Variants in MAP2 observed in about 807,000 individuals in gnomAD.
MAP2 encodes the protein microtubule-associated protein 2.
MAP2 carries 14 observed loss-of-function variants against 137.6 expected under a neutral mutation model. The ratio of observed to expected loss-of-function variants is 0.10; its 90% CI spans 0.07 to 0.16. The LOEUF (loss-of-function observed/expected upper bound fraction) is 0.16. MAP2 is among the 10% of genes least tolerant of loss of function. The pLI, the probability that MAP2 is intolerant of heterozygous loss-of-function variation, is 1.00. For missense variants in MAP2, 2,088 were observed against 2,191.5 expected, an observed-to-expected ratio of 0.95 and a Z score of 0.94; for synonymous variants, 786 against 782.3, an observed-to-expected ratio of 1.00 and a Z score of -0.08.
chr2:209,654,108 A>G (rs1440115895), intron 5 of MAP2, among the ~76,000 whole-genome samples: 1 of 152,240 alleles, frequency 6.6e-6, no homozygotes, highest in Admixed American at 6.5e-5. Flanking sequence ...TGTGCACAAA[A>G]TCATCTTATC....
At chr2:209,724,321 C>T (rs991732063) in intron 13 of MAP2, among the ~76,000 whole-genome samples, 2 of 151,918 alleles carry the variant, frequency 1.3e-5, no homozygotes, top group African/African-American at 4.8e-5. Flanking sequence ...AAGATGATTC[C>T]ATGTTTTTTA....
intron 2 of MAP2, among the ~76,000 whole-genome samples, chr2:209,545,539 G>A (rs564064775): frequency 6.6e-6 from 1 of 152,104 alleles, no homozygotes; most frequent in Non-Finnish European, 1.5e-5. Context: ...AAGTCATAAG[G>A]CTAGTGTCTT....
intron 4 of MAP2, among the ~76,000 whole-genome samples, chr2:209,648,939 G>T (rs1464883429): frequency 4.6e-5 from 7 of 152,126 alleles, no homozygotes; most frequent in Non-Finnish European, 1.0e-4. Flanking sequence ...GTTTCCCATT[G>T]TACAGTAGGA....
chr2:209,514,340 CT>C (rs199705129), intron 2 of MAP2, among the ~76,000 whole-genome samples: 12 of 150,642 alleles, frequency 8.0e-5, no homozygotes, highest in South Asian at 2.1e-4. Flanking sequence ...AAAGTCCTCC[CT>C]TTTTTTTTCA....
chr2:209,705,554 A>C (rs767709730), intron 11 of MAP2, 26 bp from the exon 12 acceptor site: 1 of 1,562,784 alleles, frequency 6.4e-7, no homozygotes, highest in African/African-American at 1.4e-5. Flanking sequence ...CAAGAACCCA[A>C]TGTTCTTTTT....
rs200086905 is a variant in MAP2 at position 209,696,752 on chromosome 2, C to A, written c.4387+4C>A. ...GATGAAGTGAGAAGGAAAAAAGGTT[C>A]ATTTAACAATCACTTCTTTAAAAAT... On this transcript the variant is annotated splice_donor_region_variant and intron_variant, in intron 9 of 15. Transcript: ENST00000682079. 44 of 1,598,226 alleles carry A rather than the reference C, an allele frequency of 2.8e-5. No individual in the cohort carries two copies. In the African/African-American group the frequency reaches 3.0e-4, roughly 11 times the overall value.
At chr2:209,480,540 T>TTGTTTGTTTGTG in intron 1 of MAP2, among the ~76,000 whole-genome samples, 1 of 97,254 alleles carries the variant, frequency 1.0e-5, no homozygotes, top group Admixed American at 1.1e-4. Flanking sequence ...GATCTAAAGT[T>TTGTTTGTTTGTG]TGTTTGTTTG....
intron 1 of MAP2, among the ~76,000 whole-genome samples, chr2:209,494,883 T>G (rs1312674817): frequency 6.6e-6 from 1 of 152,234 alleles, no homozygotes; most frequent in Non-Finnish European, 1.5e-5. Flanking sequence ...TGTTTCTGCC[T>G]GAATTTGAAT....
chr2:209,506,873 C>G (rs2061136903), intron 1 of MAP2, among the ~76,000 whole-genome samples: 1 of 152,182 alleles, frequency 6.6e-6, no homozygotes, highest in South Asian at 2.1e-4. Context: ...TCTGTGCAGA[C>G]TGTTCTAACA....
At chr2:209,482,472 T>C (rs1250503603) in intron 1 of MAP2, among the ~76,000 whole-genome samples, 1 of 152,218 alleles carries the variant, frequency 6.6e-6, no homozygotes, top group Admixed American at 6.5e-5. Context: ...CTCTAAAAGC[T>C]ATGTCAGTTC....
intron 5 of MAP2, among the ~76,000 whole-genome samples, chr2:209,663,406 T>C (rs1263870910): frequency 6.6e-6 from 1 of 152,162 alleles, no homozygotes; most frequent in Non-Finnish European, 1.5e-5. Flanking sequence ...GCCGGCTCAC[T>C]GTGTAGCTCG....
intron 2 of MAP2, among the ~76,000 whole-genome samples, chr2:209,522,690 C>T (rs1448063961): frequency 6.6e-6 from 1 of 152,072 alleles, no homozygotes; most frequent in African/African-American, 2.4e-5. Context: ...TTATTTAAAG[C>T]TCCATATGGA....
At chr2:209,690,101 A>C (rs2058397325) in intron 7 of MAP2, among the ~76,000 whole-genome samples, 1 of 152,068 alleles carries the variant, frequency 6.6e-6, no homozygotes, top group Admixed American at 6.6e-5. Flanking sequence ...CTTTAGCAAA[A>C]TTTGCACATT....
chr2:209,494,073 C>T (rs984450479), intron 1 of MAP2, among the ~76,000 whole-genome samples: 2 of 152,114 alleles, frequency 1.3e-5, no homozygotes, highest in Non-Finnish European at 2.9e-5. Context: ...GAAAATTTGG[C>T]ATACATACAC....
chr2:209,575,962 G>C (rs2075309081), intron 2 of MAP2, among the ~76,000 whole-genome samples: 1 of 152,310 alleles, frequency 6.6e-6, no homozygotes. Context: ...TGATCTATGA[G>C]CAAAGGCTTT....
At chr2:209,634,059 C>G (rs1251839356) in intron 4 of MAP2, among the ~76,000 whole-genome samples, 3 of 152,130 alleles carry the variant, frequency 2.0e-5, no homozygotes, top group African/African-American at 7.2e-5. Flanking sequence ...CATCTTTGCT[C>G]CAGCCACACC....
intron 3 of MAP2, among the ~76,000 whole-genome samples, chr2:209,610,690 A>G (rs2086545324): frequency 6.6e-6 from 1 of 152,150 alleles, no homozygotes; most frequent in Non-Finnish European, 1.5e-5. Flanking sequence ...TCTCCTACGG[A>G]ATAAGCAATC....
chr2:209,476,172 C>T (rs999039393), intron 1 of MAP2, among the ~76,000 whole-genome samples: 4 of 152,008 alleles, frequency 2.6e-5, no homozygotes, highest in Admixed American at 6.6e-5. Flanking sequence ...AAAGCCTTCT[C>T]GAGACCATGA....
intron 1 of MAP2, among the ~76,000 whole-genome samples, chr2:209,466,355 C>T (rs1704121884): frequency 6.6e-6 from 1 of 152,094 alleles, no homozygotes; most frequent in African/African-American, 2.4e-5. Flanking sequence ...CTGATTTTTC[C>T]CTAAAATGAC....
Sources: allele counts gnomAD v4.1 joint callset (sites outside exome capture counted in the v4.1 genomes callset), GRCh38; gene constraint gnomAD v4.1.1; transcripts MANE v1.5; gene names NCBI Gene and HGNC (gene_info 2026-07-23, HGNC 2026-07-21).